The following FOCAD variants were observed in gnomAD, a reference collection of about 807,000 sequenced individuals.
The protein encoded by FOCAD is focadhesin, also known as KIAA1797.
Under a neutral mutation model 225.6 loss-of-function variants are expected in FOCAD, and 198 were observed. The observed-to-expected ratio is 0.88, with a 90% CI of 0.78 to 0.99. The LOEUF is 0.99. Ranked by LOEUF, FOCAD falls within the 50% of genes least tolerant of loss-of-function variation. The probability of loss-of-function intolerance (pLI) is 0.00; values close to 1 mark genes in which losing one functional copy is unlikely to be tolerated. For synonymous variants in FOCAD, 897 were observed against 755.0 expected, an observed-to-expected ratio of 1.19 and a Z score of -3.08; for missense variants, 2,713 against 2,123.6, an observed-to-expected ratio of 1.28 and a Z score of -5.46.
chr9:20,963,930 G>A (rs947989555), intron 35 of FOCAD, among the ~76,000 whole-genome samples: 3 of 152,160 alleles, frequency 2.0e-5, no homozygotes, highest in African/African-American at 7.2e-5. Context: ...CGAGCGCAGG[G>A]ACCTATTCTG....
chr9:20,772,037 G>A (rs967815344), intron 8 of FOCAD, among the ~76,000 whole-genome samples: 1 of 152,160 alleles, frequency 6.6e-6, no homozygotes, highest in Admixed American at 6.5e-5. Context: ...ATTTTGAGAG[G>A]ACACAGTTCA....
intron 1 of FOCAD, among the ~76,000 whole-genome samples, chr9:20,690,622 C>T (rs1024530918): frequency 2.0e-5 from 3 of 152,102 alleles, no homozygotes; most frequent in Non-Finnish European, 1.5e-5. Flanking sequence ...GATCATAGCT[C>T]GCCACAGCCT....
At chr9:20,913,251 A>G (rs1403399435) in intron 23 of FOCAD, among the ~76,000 whole-genome samples, 1 of 151,594 alleles carries the variant, frequency 6.6e-6, no homozygotes, top group Non-Finnish European at 1.5e-5. Context: ...TGATTATTTT[A>G]TATGCTTTTG....
intron 35 of FOCAD, among the ~76,000 whole-genome samples, chr9:20,966,741 G>A (rs992735435): frequency 6.6e-6 from 1 of 152,006 alleles, no homozygotes; most frequent in Non-Finnish European, 1.5e-5. Context: ...TGAGTATCTA[G>A]TTGTCTCAGC....
intron 36 of FOCAD, among the ~76,000 whole-genome samples, chr9:20,976,766 C>G (rs1435791696): frequency 6.6e-6 from 1 of 152,086 alleles, no homozygotes; most frequent in Non-Finnish European, 1.5e-5. Context: ...ATACACCTGC[C>G]AAAAACAATG....
At chr9:20,804,952 G>A (rs1418987302) in intron 11 of FOCAD, among the ~76,000 whole-genome samples, 2 of 152,028 alleles carry the variant, frequency 1.3e-5, no homozygotes, top group African/African-American at 4.8e-5. Flanking sequence ...GCTAACAATT[G>A]CCCTTAAATG....
intron 17 of FOCAD, 132 bp downstream of exon 17, chr9:20,866,108 G>A: frequency 1.4e-6 from 1 of 734,722 alleles, no homozygotes; most frequent in South Asian, 1.9e-5. Context: ...TAAAAAAAGT[G>A]TGATTATTCA....
intron 28 of FOCAD, among the ~76,000 whole-genome samples, chr9:20,941,652 A>G (rs1006043608): frequency 3.3e-5 from 5 of 152,238 alleles, no homozygotes; most frequent in African/African-American, 1.2e-4. Context: ...AAGTAATGAC[A>G]TAATAGTGTA....
At chr9:20,964,919 G>A (rs182896887) in intron 35 of FOCAD, among the ~76,000 whole-genome samples, 33 of 152,294 alleles carry the variant, frequency 2.2e-4, no homozygotes, top group African/African-American at 7.9e-4. Flanking sequence ...GGAGGGAGCA[G>A]GTTAGTGGGT....
At position 20,881,850 on chromosome 9, in the gene FOCAD, T is replaced by C. The variant is rs776824099; in HGVS notation, c.2318-21T>C. 2.5e-6 allele frequency: 4 copies of C among 1,604,042 alleles called. No individual in the cohort carries two copies. The Admixed American group carries it at 7.1e-5, about 28-fold the overall frequency. ...CTTATTGTATTTACTCTACTTTTGGTCTCCTTTTATCCTCTTTTAGCTTTG... is the reference window on the plus strand; with the variant it reads ...CTTATTGTATTTACTCTACTTTTGGCCTCCTTTTATCCTCTTTTAGCTTTG... On this transcript the variant is annotated intron_variant, in intron 19 of 43. Transcript: ENST00000338382.
At chr9:20,860,915 T>C (rs926549898) in intron 15 of FOCAD, among the ~76,000 whole-genome samples, 12 of 152,248 alleles carry the variant, frequency 7.9e-5, no homozygotes, top group Non-Finnish European at 1.2e-4. Flanking sequence ...TGCTTTGATA[T>C]TCTAAGTATG....
intron 37 of FOCAD, among the ~76,000 whole-genome samples, chr9:20,979,943 A>G (rs1394331249): frequency 6.6e-6 from 1 of 152,084 alleles, no homozygotes; most frequent in East Asian, 1.9e-4. Flanking sequence ...GTAAAATGTG[A>G]TGAATTTGAG....
chr9:20,952,841 C>T, intron 34 of FOCAD, 144 bp from the exon 35 acceptor site: 1 of 673,970 alleles, frequency 1.5e-6, no homozygotes, highest in Non-Finnish European at 2.6e-6. Flanking sequence ...GAATTAGTTG[C>T]AGCCACAAAG....
chr9:20,785,285 G>A (rs1011360686), intron 10 of FOCAD, among the ~76,000 whole-genome samples: 1 of 152,064 alleles, frequency 6.6e-6, no homozygotes, highest in Non-Finnish European at 1.5e-5. Context: ...ATGCAATTCA[G>A]TGGCTTTTAG....
chr9:20,701,283 G>A (rs895740782), intron 1 of FOCAD, among the ~76,000 whole-genome samples: 16 of 152,092 alleles, frequency 1.1e-4, no homozygotes, highest in African/African-American at 3.1e-4. Context: ...CTTCCTGAGC[G>A]TTCCAATATT....
At chr9:20,731,177 G>A (rs1197836731) in intron 4 of FOCAD, among the ~76,000 whole-genome samples, 1 of 152,186 alleles carries the variant, frequency 6.6e-6, no homozygotes, top group Non-Finnish European at 1.5e-5. Flanking sequence ...GGTGGAGGTT[G>A]CAGTGAGCCA....
intron 21 of FOCAD, among the ~76,000 whole-genome samples, chr9:20,894,500 T>C (rs1831901767): frequency 6.6e-6 from 1 of 152,136 alleles, no homozygotes; most frequent in Non-Finnish European, 1.5e-5. Flanking sequence ...TTCCTCTTGC[T>C]CCAAAGCCTT....
chr9:20,730,024 G>A (rs1440254114), intron 4 of FOCAD, among the ~76,000 whole-genome samples: 1 of 152,162 alleles, frequency 6.6e-6, no homozygotes, highest in Admixed American at 6.5e-5. Flanking sequence ...GGTTAAGGAA[G>A]AAAACTAGCC....
Position 20,823,038 on chromosome 9 carries a change from A to G in FOCAD, c.1843A>G (p.Asn615Asp). The G allele has an allele frequency of 6.2e-7, 1 of 1,609,372 alleles. No individual in the cohort carries two copies. The highest frequency in any genetic ancestry group is 1.1e-5 in the South Asian group (1 of 90,448). Reference sequence around the variant, plus strand: ...GTTGGCAGCTATTTCTCAAGTGTTGAATGAATGCACCAAGCCTGATCAAGC... The same window carrying G: ...GTTGGCAGCTATTTCTCAAGTGTTGGATGAATGCACCAAGCCTGATCAAGC... ...DMLAAISQVL[N>D]ECTKPDQATP... Residue 615 changes from asparagine (N) to aspartate (D), a missense_variant, in exon 15 of 44, where the codon AAT becomes GAT. Asn to Asp is a conservative substitution (Grantham distance 23). Transcript: ENST00000338382.
Sources: gnomAD v4.1 joint callset for allele counts (sites outside exome capture counted in the v4.1 genomes callset) on GRCh38, gnomAD v4.1.1 for gene constraint, MANE v1.5 for transcripts, NCBI Gene and HGNC (gene_info 2026-07-23, HGNC 2026-07-21) for gene names.